ABCA4: variants seen among roughly 807,000 people sequenced by gnomAD.
ABCA4 encodes retinal-specific phospholipid-transporting ATPase ABCA4.
Under a neutral mutation model 263.7 loss-of-function variants are expected in ABCA4, and 196 were observed. That is an observed-to-expected ratio of 0.74 (90% confidence interval 0.66 to 0.84). ABCA4 has a LOEUF of 0.84. ABCA4 is among the 40% of genes least tolerant of loss of function. ABCA4 has a pLI of 0.00. For missense variants in ABCA4, 2,792 were observed against 2,855.1 expected (o/e 0.98, Z 0.50); for synonymous variants, 1,133 against 1,094.2 (o/e 1.04, Z -0.70).
In ABCA4 at chr1:94,021,311, G is replaced by A. The variant is rs763852420; in HGVS notation, c.4947C>T (p.Pro1649=). The A allele has an allele frequency of 2.2e-5, 35 of 1,614,046 alleles. No individual in the cohort carries two copies. The highest frequency in any genetic ancestry group is 1.6e-4 in the Middle Eastern group (1 of 6,084). ...LRASLPKDRS[P]EEYGITVISQ... ...TAATGACGGTGATTCCATACTCCTC[G>A]GGGCTCCTGTCCTTAGGCAGGCTGG... The change falls in exon 35 of 50, where the codon CCC becomes CCT. Residue 1649 remains proline (P), a synonymous_variant. Transcript: ENST00000370225.
intron 19 of ABCA4, chr1:94,046,024 G>C (rs2101055366): frequency 2.2e-6 from 1 of 447,972 alleles, no homozygotes; most frequent in African/African-American, 2.0e-5. Flanking sequence ...GTTACCAGGC[G>C]GTTACTCCAC....
Position 94,002,000 on chromosome 1 carries a change from A to G in ABCA4, c.6148-8T>C, listed in dbSNP as rs772966690. 6.2e-7 allele frequency: 1 copy of G among 1,614,152 alleles called. No homozygotes were observed. Among genetic ancestry groups the G allele is most frequent in the South Asian group, 1.1e-5 (1 of 91,088 alleles). On this transcript the variant is annotated splice_polypyrimidine_tract_variant and splice_region_variant and intron_variant, in intron 44 of 49. Coordinates refer to ENST00000370225, the MANE Select transcript of ABCA4 (RefSeq NM_000350.3). Reference sequence around the variant, plus strand: ...AATACTCCAGTTTGCAACCTAGGGAAGAGAAAGAAATGCCATTTGGAGAAG... The same window carrying G: ...AATACTCCAGTTTGCAACCTAGGGAGGAGAAAGAAATGCCATTTGGAGAAG...
chr1:94,012,534 AT>A (rs900516737), intron 38 of ABCA4, among the ~76,000 whole-genome samples: 2 of 152,044 alleles, frequency 1.3e-5, no homozygotes, highest in African/African-American at 2.4e-5. Flanking sequence ...AGTCCTAATT[AT>A]TTTTTTGTCC....
chr1:94,077,052 G>A (rs1661553683), intron 11 of ABCA4, among the ~76,000 whole-genome samples: 1 of 152,228 alleles, frequency 6.6e-6, no homozygotes, highest in Admixed American at 6.5e-5. Flanking sequence ...CAAGCCTCAT[G>A]GAGCTGTGAG....
chr1:94,051,388 A>C (rs896673558), intron 17 of ABCA4, among the ~76,000 whole-genome samples: 3 of 152,234 alleles, frequency 2.0e-5, no homozygotes, highest in Non-Finnish European at 4.4e-5. Flanking sequence ...CTACTGGACA[A>C]GGTGTACAGG....
intron 3 of ABCA4, among the ~76,000 whole-genome samples, chr1:94,111,087 G>A (rs769275318): frequency 3.9e-5 from 6 of 152,202 alleles, no homozygotes; most frequent in Non-Finnish European, 7.3e-5. Context: ...CAGGGTGAGG[G>A]AACTGAGTTT....
chr1:94,025,142 T>C (rs2101027952), intron 30 of ABCA4, 94 bp from the exon 31 acceptor site: 1 of 991,914 alleles, frequency 1.0e-6, no homozygotes, highest in East Asian at 2.4e-5. Context: ...AAATTATTTA[T>C]GGATTGAGCT....
At chr1:94,041,144 T>G (rs538061400) in intron 23 of ABCA4, 65 bp downstream of exon 23, 3 of 1,544,518 alleles carry the variant, frequency 1.9e-6, no homozygotes, top group Middle Eastern at 3.5e-4. Flanking sequence ...ATGTCTGGAG[T>G]GGCAGCCCCG....
At chr1:94,058,820 T>C (rs1430497383) in intron 14 of ABCA4, among the ~76,000 whole-genome samples, 1 of 152,212 alleles carries the variant, frequency 6.6e-6, no homozygotes, top group African/African-American at 2.4e-5. Context: ...AGATGGCCAC[T>C]TTTCTTTTTG....
At chr1:94,029,325 T>A in intron 30 of ABCA4, 120 bp downstream of exon 30, 1 of 1,036,290 alleles carries the variant, frequency 9.6e-7, no homozygotes, top group Non-Finnish European at 1.4e-6. Context: ...TTTGGTTTAG[T>A]CCCCTACTCA....
At chr1:94,054,874 G>A (rs1165226474) in intron 16 of ABCA4, among the ~76,000 whole-genome samples, 5 of 152,174 alleles carry the variant, frequency 3.3e-5, no homozygotes, top group Non-Finnish European at 7.3e-5. Flanking sequence ...GTAGTGGAAG[G>A]AAGAGACTGG....
chr1:94,007,556 G>C, intron 43 of ABCA4, 78 bp downstream of exon 43: 1 of 1,306,424 alleles, frequency 7.7e-7, no homozygotes. Context: ...CCTACTATAG[G>C]GTCTGATGAT....
intron 39 of ABCA4, 90 bp downstream of exon 39, chr1:94,011,172 C>T: frequency 3.1e-6 from 5 of 1,605,388 alleles, no homozygotes; most frequent in East Asian, 4.5e-5. Flanking sequence ...AGCACCAGCC[C>T]CTGCCACAGT....
chr1:94,086,953 A>G (rs1471942769), intron 6 of ABCA4, among the ~76,000 whole-genome samples: 2 of 152,170 alleles, frequency 1.3e-5, no homozygotes, highest in African/African-American at 4.8e-5. Flanking sequence ...CAGATCTGGC[A>G]GCTGGGAAGT....
chr1:94,033,663 A>G (rs540057538), intron 26 of ABCA4, among the ~76,000 whole-genome samples: 2 of 152,296 alleles, frequency 1.3e-5, no homozygotes, highest in South Asian at 4.1e-4. Context: ...GTCCCCCAGG[A>G]CAAGGACAGT....
chr1:94,049,624 A>AAAAAAC (rs919232990), intron 17 of ABCA4, among the ~76,000 whole-genome samples: 1 of 152,168 alleles, frequency 6.6e-6, no homozygotes, highest in Admixed American at 6.5e-5. Context: ...ACTCTGTCTC[A>AAAAAAC]AAAAACAAAA....
Position 94,098,897 on chromosome 1 carries a change from GC to G in ABCA4, c.664del (p.Ala222GlnfsTer19), listed in dbSNP as rs61748539. On this transcript the variant is annotated frameshift_variant, in exon 6 of 50. Transcript: ENST00000370225. LOFTEE classifies it high-confidence loss of function. ...RFIIFSQRRG[A>X]KTVRYALCSL... The stretch of plus-strand genomic sequence containing the variant: ...GCACAGGGCATAGCGCACCGTCTTT[GC>G]CCCGCGTCTCTGGCTGAAGATGATG... 1 of 1,614,034 alleles carries G rather than the reference GC, an allele frequency of 6.2e-7. No homozygotes were observed. Among genetic ancestry groups the G allele is most frequent in the Non-Finnish European group, 8.5e-7 (1 of 1,180,034 alleles).
intron 18 of ABCA4, among the ~76,000 whole-genome samples, chr1:94,047,457 G>C (rs1454616727): frequency 2.0e-5 from 3 of 152,166 alleles, no homozygotes; most frequent in African/African-American, 7.2e-5. Flanking sequence ...GTTGGGATTT[G>C]AACCCAGAGC....
intron 1 of ABCA4, among the ~76,000 whole-genome samples, chr1:94,117,480 C>G (rs1365163121): frequency 3.0e-5 from 4 of 135,014 alleles, no homozygotes; most frequent in Non-Finnish European, 6.6e-5. Context: ...TCAGGCCCCC[C>G]CACAGATATC....
Sources: allele counts gnomAD v4.1 joint callset (sites outside exome capture counted in the v4.1 genomes callset), GRCh38; gene constraint gnomAD v4.1.1; transcripts MANE v1.5; gene names NCBI Gene and HGNC (gene_info 2026-07-23, HGNC 2026-07-21).